Variants in POTEI observed in about 807,000 individuals in gnomAD.
The protein encoded by POTEI is POTE ankyrin domain family member I, also known as POTE ankyrin domain family, member I.
In POTEI, 14 loss-of-function variants were observed where a neutral mutation model predicts 43.4. The observed-to-expected ratio is 0.32, with a 90% confidence interval of 0.21 to 0.50. The LOEUF (loss-of-function observed/expected upper bound fraction) is 0.50. Among genes scored for constraint, POTEI ranks in the 20% least tolerant of loss-of-function variants. POTEI has a pLI of 0.98. For synonymous variants in POTEI, 95 were observed against 297.9 expected, an observed-to-expected ratio of 0.32 and a Z score of 7.01; for missense variants, 235 against 795.4, an observed-to-expected ratio of 0.30 and a Z score of 8.47.
Position 130,461,131 on chromosome 2 carries a change from T to C in POTEI, c.*1685A>G, listed in dbSNP as rs1156470121. On this transcript the variant is annotated 3_prime_UTR_variant, in exon 15 of 15. Transcript: ENST00000451531. ...CCTATAAGATGTGGCTGGAGGCAAG[T>C]TGAGAAGTCTTACCTAGTCAGGACG... The C allele has an allele frequency of 2.0e-4, 30 of 151,594 alleles. No homozygotes were observed. The highest frequency in any genetic ancestry group is 3.1e-4 in the Non-Finnish European group (21 of 68,010). The allele number at this position is 151,594 out of a possible 1,614,324, so 9.4% of individuals were successfully genotyped here. A position where few individuals can be genotyped will look rare whatever the true frequency, so the allele number is the denominator to read the frequency against.
Position 130,507,339 on chromosome 2 carries a change from T to G in POTEI, c.521+1376A>C, listed in dbSNP as rs59372751. 3.0e-3 allele frequency among the ~76,000 whole-genome samples: 237 copies of G among 77,956 alleles called. 13 individuals carry two copies. Among genetic ancestry groups the G allele is most frequent in the African/African-American group, 8.6e-3 (224 of 26,024 alleles). 51.1% of individuals were successfully genotyped at this position (77,956 alleles called of 152,430 possible). A position where few individuals can be genotyped will look rare whatever the true frequency, so the allele number is the denominator to read the frequency against. On this transcript the variant is annotated intron_variant, in intron 1 of 14. Transcript: ENST00000451531. ...ATATACACACACACACACACACACA[T>G]ATATATGTATATATATACACACACA...
chr2:130,474,061 G>C lies in POTEI; in HGVS notation c.1778+317C>G, dbSNP rs549522043. Among the ~76,000 whole-genome samples, 30 of 147,080 alleles carry C rather than the reference G, an allele frequency of 2.0e-4. 1 individual carries two copies. In the South Asian group the frequency reaches 5.5e-3, roughly 27 times the overall value. ...TATTATGTGGCTGGTGAAATAATCTGTACCCCAAGCCTCCATGATACAGTT... is the reference window on the plus strand; with the variant it reads ...TATTATGTGGCTGGTGAAATAATCTCTACCCCAAGCCTCCATGATACAGTT... On this transcript the variant is annotated intron_variant, in intron 13 of 14. Coordinates refer to ENST00000451531, the MANE Select transcript of POTEI (RefSeq NM_001277406.2).
At chr2:130,490,968 AACC>A (rs1320033655) in intron 6 of POTEI, among the ~76,000 whole-genome samples, 1 of 27,542 alleles carries the variant, frequency 3.6e-5, no homozygotes, top group African/African-American at 1.1e-4. Context: ...AAATGAACAA[AACC>A]ACCAGAAACA....
Position 130,495,239 on chromosome 2 carries a change from C to T in POTEI, c.1126+1313G>A, listed in dbSNP as rs528688122. Reference sequence around the variant, plus strand: ...ATAATAAATCATAATTATAAGCTTCCAGTGGGCATCTAGCACACAGTAAGC... The same window carrying T: ...ATAATAAATCATAATTATAAGCTTCTAGTGGGCATCTAGCACACAGTAAGC... On this transcript the variant is annotated intron_variant, in intron 6 of 14. Coordinates refer to ENST00000451531, the MANE Select transcript of POTEI (RefSeq NM_001277406.2). Among the ~76,000 whole-genome samples, 97 of 46,408 alleles carry T rather than the reference C, an allele frequency of 2.1e-3. 2 individuals carry two copies. Among genetic ancestry groups the T allele is most frequent in the Admixed American group, 6.2e-3 (21 of 3,370 alleles). 30.4% of individuals were successfully genotyped at this position (46,408 alleles called of 152,430 possible).
chr2:130,508,975 G>T lies in POTEI; in HGVS notation c.261C>A (p.Asp87Glu), dbSNP rs561066207. 2.5e-6 allele frequency: 4 copies of T among 1,596,316 alleles called. No homozygotes were observed. Among genetic ancestry groups the T allele is most frequent in the Middle Eastern group, 3.4e-4 (2 of 5,926 alleles). ...KSNVGTSGDHDDSAMKTLRSK... is the reference protein window; with the variant it reads ...KSNVGTSGDHEDSAMKTLRSK... ...TCCTGAGCGTCTTCATAGCGGAGTC[G>T]TCGTGGTCTCCAGAAGTGCCCACGT... Residue 87 changes from aspartate to glutamate, a missense_variant, in exon 1 of 15, where the codon GAC becomes GAA. Transcript: ENST00000451531.
intron 9 of POTEI, among the ~76,000 whole-genome samples, chr2:130,484,228 T>C (rs1399431726): frequency 6.6e-6 from 1 of 150,594 alleles, no homozygotes; most frequent in Non-Finnish European, 1.5e-5. Context: ...AAAAACCTTT[T>C]ATTTGTATAT....
chr2:130,479,377 A>T, intron 10 of POTEI, among the ~76,000 whole-genome samples: 3 of 133,166 alleles, frequency 2.3e-5, no homozygotes, highest in Non-Finnish European at 4.7e-5. Flanking sequence ...TGGACGGGTG[A>T]AAACCTTATA....
At chr2:130,496,709 C>G in intron 5 of POTEI, 87 bp from the exon 6 acceptor site, 1 of 1,442,842 alleles carries the variant, frequency 6.9e-7, no homozygotes. Flanking sequence ...AAGAGTATTT[C>G]AAACAATATC....
rs1247042981 is a variant in POTEI at position 130,508,996 on chromosome 2, C to T, written c.240G>A (p.Val80=). 1 of 1,518,390 alleles carries T rather than the reference C, an allele frequency of 6.6e-7. No homozygotes were observed. Among genetic ancestry groups the T allele is most frequent in the Non-Finnish European group, 9.0e-7 (1 of 1,107,338 alleles). The allele number at this position is 1,518,390 out of a possible 1,614,324, so 94.1% of individuals were successfully genotyped here. ...PCCRGSGKSN[V]GTSGDHDDSA... ...AGTCGTCGTGGTCTCCAGAAGTGCC[C>T]ACGTTGCTCTTGCCACTCCCCCTGC... is the stretch of plus-strand genomic sequence containing the variant. Residue 80 remains valine, a synonymous_variant, in exon 1 of 15, where the codon GTG becomes GTA. Transcript: ENST00000451531.
In POTEI at chr2:130,462,183, TAAGCTG is replaced by T. The variant is rs1682660443; in HGVS notation, c.*627_*632del. Reference sequence around the variant, plus strand: ...ATTTTATTCTCAGTTGTCAACATGCTAAGCTGTCCACTGTACTGAAATACTGTGCTT... The same window carrying T: ...ATTTTATTCTCAGTTGTCAACATGCTTCCACTGTACTGAAATACTGTGCTT... On this transcript the variant is annotated 3_prime_UTR_variant, in exon 15 of 15. Coordinates refer to ENST00000451531, the MANE Select transcript of POTEI (RefSeq NM_001277406.2). 7.3e-6 allele frequency: 1 copy of T among 137,350 alleles called. No homozygotes were observed. 8.5% of individuals were successfully genotyped at this position (137,350 alleles called of 1,614,324 possible).
At chr2:130,491,575 C>G (rs1422415434) in intron 6 of POTEI, among the ~76,000 whole-genome samples, 1 of 48,242 alleles carries the variant, frequency 2.1e-5, no homozygotes, top group Non-Finnish European at 4.5e-5. Context: ...TTACTACTGA[C>G]ACCTTTATTA....
rs753331853 is a variant in POTEI at position 130,508,829 on chromosome 2, C to T, written c.407G>A (p.Arg136His). The T allele has an allele frequency of 1.4e-5, 22 of 1,536,648 alleles. 3 individuals carry two copies. Among genetic ancestry groups the T allele is most frequent in the South Asian group, 1.0e-4 (9 of 86,432 alleles). ...GTGGAGCTTGTCCAGATCTTCTCGA[C>T]GGACGTGGTATCTCGGCTCCACGAA... ...SAFVEPRYHVRREDLDKLHRA... is the reference protein window; with the variant it reads ...SAFVEPRYHVHREDLDKLHRA... The change falls in exon 1 of 15, where the codon CGT becomes CAT. Residue 136 changes from arginine to histidine, a missense_variant. Transcript: ENST00000451531.
rs62161856 is a variant in POTEI, at chr2:130,460,305, C to G, written c.*2511G>C. On this transcript the variant is annotated 3_prime_UTR_variant, in exon 15 of 15. Transcript: ENST00000451531. Reference sequence around the variant, plus strand: ...GAGGAGAACTCTCTCAAAAGTGAACCCCCAGCACAGCACAGCCGCTCTACA... The same window carrying G: ...GAGGAGAACTCTCTCAAAAGTGAACGCCCAGCACAGCACAGCCGCTCTACA... The G allele has an allele frequency of 7.4e-5, 11 of 147,700 alleles. No homozygotes were observed. The highest frequency in any genetic ancestry group is 1.5e-5 in the Non-Finnish European group (1 of 66,276). The allele number at this position is 147,700 out of a possible 1,614,324, so 9.1% of individuals were successfully genotyped here.
rs1683880836 is a variant in POTEI at position 130,495,259 on chromosome 2, G to C, written c.1126+1293C>G. Among the ~76,000 whole-genome samples, 2 of 46,662 alleles carry C rather than the reference G, an allele frequency of 4.3e-5. 1 individual carries two copies. The highest frequency in any genetic ancestry group is 9.6e-5 in the African/African-American group (2 of 20,918). The allele number at this position is 46,662 out of a possible 152,430, so 30.6% of individuals were successfully genotyped here. A position where few individuals can be genotyped will look rare whatever the true frequency, so the allele number is the denominator to read the frequency against. ...GCTTCCAGTGGGCATCTAGCACACA[G>C]TAAGCACTGAATAAAGTAGTAAAAT... On this transcript the variant is annotated intron_variant, in intron 6 of 14. Coordinates refer to ENST00000451531, the MANE Select transcript of POTEI (RefSeq NM_001277406.2).
At chr2:130,485,069 T>C (rs1261481739) in intron 9 of POTEI, among the ~76,000 whole-genome samples, 2 of 152,272 alleles carry the variant, frequency 1.3e-5, no homozygotes, top group Non-Finnish European at 2.9e-5. Context: ...TAGCCCAATT[T>C]TGGATCTGAC....
At chr2:130,468,808 C>T (rs1256118935) in intron 13 of POTEI, among the ~76,000 whole-genome samples, 6 of 152,084 alleles carry the variant, frequency 3.9e-5, no homozygotes, top group Non-Finnish European at 7.3e-5. Flanking sequence ...AAAATGATCT[C>T]GTAAATTTTC....
At chr2:130,468,570 CTCACTCACTA>C (rs1196155210) in intron 13 of POTEI, among the ~76,000 whole-genome samples, 1 of 151,888 alleles carries the variant, frequency 6.6e-6, no homozygotes, top group Non-Finnish European at 1.5e-5. Context: ...CTTGTGAGAA[CTCACTCACTA>C]TCACAAGAAC....
At chr2:130,477,826 A>G (rs1683257596) in intron 10 of POTEI, among the ~76,000 whole-genome samples, 2 of 144,512 alleles carry the variant, frequency 1.4e-5, no homozygotes, top group South Asian at 4.3e-4. Context: ...GGTAGAGGGC[A>G]GGAAAGGGTG....
chr2:130,492,932 C>T (rs1309607111), intron 6 of POTEI, among the ~76,000 whole-genome samples: 1 of 151,760 alleles, frequency 6.6e-6, no homozygotes, highest in African/African-American at 2.4e-5. Flanking sequence ...TAAATTCTAA[C>T]TCCTGGTACT....
Sources: allele counts gnomAD v4.1 joint callset (sites outside exome capture counted in the v4.1 genomes callset), GRCh38; gene constraint gnomAD v4.1.1; transcripts MANE v1.5; gene names NCBI Gene and HGNC (gene_info 2026-07-23, HGNC 2026-07-21).